The following EYA1 variants were observed in gnomAD, a reference collection of about 807,000 sequenced individuals.
EYA1 encodes protein phosphatase EYA1.
EYA1 carries 16 observed loss-of-function variants against 82.0 expected under a neutral mutation model. That is an observed-to-expected ratio of 0.20 (90% confidence interval 0.13 to 0.30). The LOEUF (loss-of-function observed/expected upper bound fraction) is 0.30, where lower values mean the gene tolerates loss of function less well. Among genes scored for constraint, EYA1 ranks in the 10% least tolerant of loss-of-function variants. The pLI is 1.00. For missense variants in EYA1, 633 were observed against 730.7 expected, an observed-to-expected ratio of 0.87 and a Z score of 1.54; for synonymous variants, 261 against 264.4, an observed-to-expected ratio of 0.99 and a Z score of 0.12.
At chr8:71,356,540 ATGT>A in intron 1 of EYA1, 29 bp from the exon 2 acceptor site, 2 of 1,554,062 alleles carry the variant, frequency 1.3e-6, no homozygotes, top group East Asian at 2.4e-5. Flanking sequence ...AAATTAGAAG[ATGT>A]TGTTACTCTG....
intron 2 of EYA1, among the ~76,000 whole-genome samples, chr8:71,462,278 A>T (rs990090005): frequency 6.6e-6 from 1 of 152,116 alleles, no homozygotes; most frequent in Non-Finnish European, 1.5e-5. Context: ...TCAGTGCCCA[A>T]TGTCAGGAAG....
intron 9 of EYA1, among the ~76,000 whole-genome samples, chr8:71,289,218 G>T: frequency 6.6e-6 from 1 of 152,164 alleles, no homozygotes; most frequent in Non-Finnish European, 1.5e-5. Flanking sequence ...AGGATACAGG[G>T]GAAGCACGGA....
At chr8:71,533,227 T>C (rs1234788042) in intron 2 of EYA1, among the ~76,000 whole-genome samples, 1 of 152,250 alleles carries the variant, frequency 6.6e-6, no homozygotes, top group Non-Finnish European at 1.5e-5. Context: ...TACATCCATT[T>C]GTCACAATGG....
intron 2 of EYA1, among the ~76,000 whole-genome samples, chr8:71,440,161 A>G (rs1207821895): frequency 6.6e-6 from 1 of 152,156 alleles, no homozygotes; most frequent in Non-Finnish European, 1.5e-5. Flanking sequence ...ACGCAACACA[A>G]TTCGGACTGC....
At chr8:71,487,593 A>T (rs934041238) in intron 2 of EYA1, among the ~76,000 whole-genome samples, 5 of 152,216 alleles carry the variant, frequency 3.3e-5, no homozygotes, top group African/African-American at 1.2e-4. Flanking sequence ...TAAAAATAAC[A>T]TTAAGAAAGC....
chr8:71,291,741 A>G (rs1819019440), intron 9 of EYA1, among the ~76,000 whole-genome samples: 1 of 152,160 alleles, frequency 6.6e-6, no homozygotes, highest in African/African-American at 2.4e-5. Flanking sequence ...GATTAACTTA[A>G]TGATACCTAA....
At chr8:71,497,421 C>T (rs1157882624) in intron 2 of EYA1, among the ~76,000 whole-genome samples, 2 of 152,120 alleles carry the variant, frequency 1.3e-5, no homozygotes, top group East Asian at 3.8e-4. Context: ...GGGCAAAGTC[C>T]CTGAATAGGT....
At chr8:71,499,219 C>T (rs1478848720) in intron 2 of EYA1, among the ~76,000 whole-genome samples, 4 of 152,212 alleles carry the variant, frequency 2.6e-5, no homozygotes, top group African/African-American at 9.6e-5. Context: ...CTGCTAGAGT[C>T]AGACCCTCAC....
At chr8:71,369,239 T>C (rs1827952468) in intron 2 of EYA1, among the ~76,000 whole-genome samples, 1 of 151,260 alleles carries the variant, frequency 6.6e-6, no homozygotes, top group Non-Finnish European at 1.5e-5. Flanking sequence ...TAAAGCAGTA[T>C]ATGGCAACAC....
intron 2 of EYA1, among the ~76,000 whole-genome samples, chr8:71,486,494 C>G (rs1049423766): frequency 6.6e-6 from 1 of 152,194 alleles, no homozygotes; most frequent in Non-Finnish European, 1.5e-5. Context: ...CCTGCCCAGT[C>G]GTGCCTCCTC....
At chr8:71,351,219 A>G (rs769212229) in intron 3 of EYA1, among the ~76,000 whole-genome samples, 1 of 152,220 alleles carries the variant, frequency 6.6e-6, no homozygotes, top group Admixed American at 6.5e-5. Context: ...CTAACTGTCC[A>G]AAGGAAGAGG....
At chr8:71,364,712 AT>A (rs1185764081), upstream of EYA1, among the ~76,000 whole-genome samples, 2 of 151,792 alleles carry the variant, frequency 1.3e-5, no homozygotes, top group African/African-American at 2.4e-5. Context: ...AAAATACATA[AT>A]TTTATCTGGA....
At chr8:71,267,797 C>T (rs1429080129) in intron 11 of EYA1, among the ~76,000 whole-genome samples, 1 of 152,210 alleles carries the variant, frequency 6.6e-6, no homozygotes, top group African/African-American at 2.4e-5. Flanking sequence ...ATCCACCCGC[C>T]TTGGCCTCCC....
chr8:71,536,516 A>T (rs1391784495), intron 1 of EYA1, among the ~76,000 whole-genome samples: 1 of 152,220 alleles, frequency 6.6e-6, no homozygotes, highest in Non-Finnish European at 1.5e-5. Flanking sequence ...CTTCAAAAAA[A>T]AATATAGCAA....
chr8:71,446,695 A>G (rs958404998), intron 2 of EYA1, among the ~76,000 whole-genome samples: 1 of 152,088 alleles, frequency 6.6e-6, no homozygotes, highest in African/African-American at 2.4e-5. Context: ...AATTATTGCA[A>G]CAGCTGTTAT....
At chr8:71,316,942 T>C (rs1586329779) in intron 7 of EYA1, among the ~76,000 whole-genome samples, 1 of 152,330 alleles carries the variant, frequency 6.6e-6, no homozygotes, top group East Asian at 1.9e-4. Flanking sequence ...TGTCATTCCA[T>C]TTGACTTGTA....
At chr8:71,213,683 C>T (rs550507576) in intron 16 of EYA1, among the ~76,000 whole-genome samples, 113 of 152,282 alleles carry the variant, frequency 7.4e-4, no homozygotes, top group African/African-American at 2.6e-3. Flanking sequence ...TGGATGAATC[C>T]CATCAGCACC....
At chr8:71,373,658 C>T (rs1828207989) in intron 2 of EYA1, among the ~76,000 whole-genome samples, 1 of 151,976 alleles carries the variant, frequency 6.6e-6, no homozygotes, top group Non-Finnish European at 1.5e-5. Flanking sequence ...TATATAGAAC[C>T]ATAAAAGTCT....
intron 7 of EYA1, among the ~76,000 whole-genome samples, chr8:71,316,615 T>C (rs1454107228): frequency 1.3e-5 from 2 of 152,216 alleles, no homozygotes; most frequent in Non-Finnish European, 1.5e-5. Flanking sequence ...CTGTATTTTC[T>C]AATTTGTCTG....
Sources: gnomAD v4.1 joint callset for allele counts (sites outside exome capture counted in the v4.1 genomes callset) on GRCh38, gnomAD v4.1.1 for gene constraint, MANE v1.5 for transcripts, NCBI Gene and HGNC (gene_info 2026-07-23, HGNC 2026-07-21) for gene names.